Variants in PAXIP1 observed in about 807,000 individuals in gnomAD.
The protein encoded by PAXIP1 is PAX-interacting protein 1.
A neutral mutation model predicts 140.6 loss-of-function variants in PAXIP1; 19 were observed. The ratio of observed to expected loss-of-function variants is 0.14; its 90% CI spans 0.09 to 0.20. PAXIP1 has a LOEUF of 0.20. Among genes scored for constraint, PAXIP1 ranks in the 10% least tolerant of loss-of-function variants. The pLI, the probability that PAXIP1 is intolerant of heterozygous loss-of-function variation, is 1.00. For missense variants in PAXIP1, 920 were observed against 1,208.6 expected (o/e 0.76, Z 3.54); for synonymous variants, 442 against 444.6 (o/e 0.99, Z 0.07).
intron 1 of PAXIP1, 98 bp downstream of exon 1, chr7:155,002,751 C>T (rs1174095518): frequency 2.5e-5 from 16 of 641,234 alleles, no homozygotes; most frequent in Non-Finnish European, 3.0e-5. Context: ...GCTCTGCGCC[C>T]GGCGCGCGCC....
chr7:154,972,913 C>T (rs778182106), intron 6 of PAXIP1, among the ~76,000 whole-genome samples: 2 of 152,254 alleles, frequency 1.3e-5, no homozygotes, highest in Non-Finnish European at 2.9e-5. Flanking sequence ...TACTTTCTAC[C>T]TGTCATGACA....
Position 154,986,219 on chromosome 7 carries a change from G to T in PAXIP1, c.325-2887C>A. 7.5e-7 allele frequency: 1 copy of T among 1,325,692 alleles called. No homozygotes were observed. The highest frequency in any genetic ancestry group is 1.2e-5 in the South Asian group (1 of 82,806). 82.1% of individuals were successfully genotyped at this position (1,325,692 alleles called of 1,614,324 possible). On this transcript the variant is annotated intron_variant, in intron 4 of 20. Transcript: ENST00000404141. This position sits in a 1 kb window ranked among gnomAD's most constrained non-coding sequence, Gnocchi z 4.8. ...ACAGAAGGTCACTGAGAACCACCAA[G>T]AAACAGTCCTTTTGTAAAGCTGGGG...
At chr7:154,962,537 T>A in intron 9 of PAXIP1, 79 bp from the exon 10 acceptor site, 1 of 1,260,200 alleles carries the variant, frequency 7.9e-7, no homozygotes, top group Non-Finnish European at 1.1e-6. Context: ...GTTGTATAAC[T>A]ACAATGCCCT....
Position 154,986,277 on chromosome 7 carries a change from C to G in PAXIP1, c.325-2945G>C. On this transcript the variant is annotated intron_variant, in intron 4 of 20. Coordinates refer to ENST00000404141, the MANE Select transcript of PAXIP1 (RefSeq NM_007349.4). This position sits in a 1 kb window ranked among gnomAD's most constrained non-coding sequence, Gnocchi z 4.8. ...TGGCGTGTGCATGTGAGTGTGTGTG[C>G]GCATGGGTGCTCCAGTGTGCAGAAA... 2 of 763,858 alleles carry G rather than the reference C, an allele frequency of 2.6e-6. No homozygotes were observed. The highest frequency in any genetic ancestry group is 3.7e-6 in the Non-Finnish European group (2 of 539,778). The allele number at this position is 763,858 out of a possible 1,614,324, so 47.3% of individuals were successfully genotyped here.
At chr7:154,966,998 TA>T (rs1809055356) in intron 8 of PAXIP1, among the ~76,000 whole-genome samples, 2 of 152,206 alleles carry the variant, frequency 1.3e-5, no homozygotes, top group African/African-American at 4.8e-5. Flanking sequence ...ACTCATCCTA[TA>T]AGCAGTTCAG....
rs1377657643 is a variant in PAXIP1, at chr7:155,002,911, T to C, written c.19A>G (p.Lys7Glu). 2 of 1,368,696 alleles carry C rather than the reference T, an allele frequency of 1.5e-6. No individual in the cohort carries two copies. The highest frequency in any genetic ancestry group is 9.6e-7 in the Non-Finnish European group (1 of 1,036,466). 84.8% of individuals were successfully genotyped at this position (1,368,696 alleles called of 1,614,324 possible). Residue 7 changes from lysine to glutamate, a missense_variant, in exon 1 of 21, where the codon AAA becomes GAA. Physicochemically the swap from Lys to Glu is moderately conservative, Grantham distance 56 (BLOSUM62 1). Around this residue, in one of 5 missense-constraint regions of PAXIP1, gnomAD observed 419 missense variants for 514.7 expected, o/e 0.81. Transcript: ENST00000404141. Reference sequence around the variant, plus strand: ...TCCCTGAACATCTCCTCAGGAACTTTGGGCGCCTGGTCCGACATGATCGCG... The same window carrying C: ...TCCCTGAACATCTCCTCAGGAACTTCGGGCGCCTGGTCCGACATGATCGCG... MSDQAP[K>E]VPEEMFREVK...
rs979744331 is a variant in PAXIP1 at position 154,957,387 on chromosome 7, T to C, written c.2479-93A>G. 20 of 624,748 alleles carry C rather than the reference T, an allele frequency of 3.2e-5. No individual in the cohort carries two copies. The African/African-American group carries it at 3.7e-4, about 12-fold the overall frequency. The allele number at this position is 624,748 out of a possible 1,614,324, so 38.7% of individuals were successfully genotyped here. On this transcript the variant is annotated intron_variant, in intron 13 of 20. Transcript: ENST00000404141. ...TTTATGTGTCAAATAATCAAACTAC[T>C]TAAACATATACAAGAATCATGTTCT...
rs1490713828 is a variant in PAXIP1, at chr7:154,961,588, A to G, written c.2188T>C (p.Leu730=). 1 of 1,606,848 alleles carries G rather than the reference A, an allele frequency of 6.2e-7. No homozygotes were observed. Among genetic ancestry groups the G allele is most frequent in the East Asian group, 2.2e-5 (1 of 44,836 alleles). The change falls in exon 11 of 21, where the codon TTG becomes CTG. Residue 730 remains leucine (L), a synonymous_variant. Transcript: ENST00000404141. ...TAACCCGTATATTTGGCACCTGCCA[A>G]ATAAGCCATTAATTTTAGGTCATCT... is the stretch of plus-strand genomic sequence containing the variant. The part of the protein sequence containing the change: ...DRDDLKLMAY[L]AGAKYTGYLC...
chr7:154,945,709 GA>G (rs1305141740), intron 20 of PAXIP1: 2 of 985,294 alleles, frequency 2.0e-6, no homozygotes, highest in Non-Finnish European at 2.4e-6. Context: ...AACGGAAGTG[GA>G]AACAGAATTT....
chr7:154,971,003 T>C (rs1411694021), intron 6 of PAXIP1, among the ~76,000 whole-genome samples: 1 of 152,196 alleles, frequency 6.6e-6, no homozygotes, highest in Non-Finnish European at 1.5e-5. Context: ...TCTCTGTACC[T>C]GCCAAGCCCA....
chr7:155,003,237 G>A (rs1214766564), upstream of PAXIP1, among the ~76,000 whole-genome samples: 1 of 114,850 alleles, frequency 8.7e-6, no homozygotes, highest in Non-Finnish European at 1.8e-5. Context: ...CGCCAGCCAC[G>A]GCTCCGGGGT....
chr7:155,002,801 C>A, intron 1 of PAXIP1, 48 bp downstream of exon 1: 2 of 1,109,128 alleles, frequency 1.8e-6, no homozygotes, highest in East Asian at 3.9e-5. Context: ...CGGGGACGGA[C>A]GGGGACGCGG....
intron 1 of PAXIP1, among the ~76,000 whole-genome samples, chr7:154,999,384 G>C (rs1206623030): frequency 1.3e-5 from 2 of 152,188 alleles, no homozygotes; most frequent in African/African-American, 4.8e-5. Flanking sequence ...TTTCACACAG[G>C]AAAAGTAGCA....
At chr7:154,999,300 T>C (rs919897948) in intron 1 of PAXIP1, among the ~76,000 whole-genome samples, 2 of 152,184 alleles carry the variant, frequency 1.3e-5, no homozygotes, top group Non-Finnish European at 2.9e-5. Flanking sequence ...GAGCAGACCG[T>C]AAATGGGCTT....
chr7:154,969,461 A>G (rs1237770526), intron 6 of PAXIP1, among the ~76,000 whole-genome samples: 1 of 152,206 alleles, frequency 6.6e-6, no homozygotes, highest in East Asian at 1.9e-4. Flanking sequence ...CCTGGTAGCT[A>G]AGCCTTGGTG....
intron 16 of PAXIP1, chr7:154,950,545 C>G (rs1273491942): frequency 6.6e-6 from 1 of 152,256 alleles, no homozygotes; most frequent in East Asian, 1.9e-4. Context: ...TGCAAAATGG[C>G]ACAGGCACTT....
In PAXIP1 at chr7:154,954,690, C is replaced by G. The variant is rs1469424327; in HGVS notation, c.2653-267G>C. Among the ~76,000 whole-genome samples the G allele has an allele frequency of 6.6e-6, 1 of 152,208 alleles. No individual in the cohort carries two copies. The highest frequency in any genetic ancestry group is 1.5e-5 in the Non-Finnish European group (1 of 68,044). ...TCTCCATCAAACATCAATAACATAT[C>G]TCCATGAATAAATTAAATGACATGA... On this transcript the variant is annotated intron_variant, in intron 15 of 20. Coordinates refer to ENST00000404141, the MANE Select transcript of PAXIP1 (RefSeq NM_007349.4). The surrounding 1 kb of genome is among the most constrained non-coding windows in gnomAD (Gnocchi z 5.1).
intron 20 of PAXIP1, chr7:154,945,861 A>T (rs1807946827): frequency 1.0e-6 from 1 of 985,178 alleles, no homozygotes. Context: ...AAATAGAAAA[A>T]AGCCTAGGTG....
chr7:154,977,277 T>C (rs912863899), intron 5 of PAXIP1, among the ~76,000 whole-genome samples: 1 of 152,198 alleles, frequency 6.6e-6, no homozygotes, highest in Non-Finnish European at 1.5e-5. Flanking sequence ...AACCTTAAAA[T>C]AAATGAGTTG....
Sources: gnomAD v4.1 joint callset for allele counts (sites outside exome capture counted in the v4.1 genomes callset) on GRCh38, gnomAD v4.1.1 for gene constraint, gnomAD v4.1.1 regional missense constraint, Gnocchi (gnomAD v3.1) non-coding constraint, MANE v1.5 for transcripts, NCBI Gene and HGNC (gene_info 2026-07-23, HGNC 2026-07-21) for gene names.